EDEM3: variants seen among roughly 807,000 people sequenced by gnomAD.
EDEM3 encodes ER degradation enhancing alpha-mannosidase like protein 3, also known as ER degradation-enhancing alpha-mannosidase-like protein 3.
In EDEM3, 60 loss-of-function variants were observed where a neutral mutation model predicts 110.2. The ratio of observed to expected loss-of-function variants is 0.54; its 90% CI spans 0.44 to 0.67. The LOEUF is 0.67. EDEM3 is among the 30% of genes least tolerant of loss of function. The probability of loss-of-function intolerance (pLI) is 0.00; values close to 1 mark genes in which losing one functional copy is unlikely to be tolerated. For synonymous variants in EDEM3, 352 were observed against 382.9 expected, an observed-to-expected ratio of 0.92 and a Z score of 0.94; for missense variants, 996 against 1,121.0, an observed-to-expected ratio of 0.89 and a Z score of 1.59.
chr1:184,732,131 G>A (rs1023998029), intron 6 of EDEM3, among the ~76,000 whole-genome samples: 4 of 151,956 alleles, frequency 2.6e-5, no homozygotes, highest in South Asian at 2.1e-4. Context: ...AGCCGAGATC[G>A]CGCCACTGCA....
Position 184,700,337 on chromosome 1 carries a change from C to T in EDEM3, c.2389+2474G>A, listed in dbSNP as rs12060763. On this transcript the variant is annotated intron_variant, in intron 19 of 19. Transcript: ENST00000318130. ...TTGTGTGACTTCATATGGAAAAATA[C>T]GTATTTGTGGAATGACATTTCTAGA... Among the ~76,000 whole-genome samples the T allele has an allele frequency of 4.6e-3, 706 of 151,906 alleles. 5 individuals are homozygous for T. Among genetic ancestry groups the T allele is most frequent in the East Asian group, 0.036 (185 of 5,184 alleles).
intron 6 of EDEM3, among the ~76,000 whole-genome samples, chr1:184,727,939 A>C (rs528445159): frequency 2.0e-5 from 3 of 152,332 alleles, no homozygotes; most frequent in African/African-American, 7.2e-5. Context: ...AATTAACCTA[A>C]AATGAAGCAA....
intron 18 of EDEM3, among the ~76,000 whole-genome samples, chr1:184,704,586 G>A (rs1407052777): frequency 1.5e-5 from 2 of 131,318 alleles, no homozygotes; most frequent in African/African-American, 2.9e-5. Flanking sequence ...AGAGGTGGAG[G>A]TTGTAGTGAG....
At chr1:184,749,219 G>T (rs1418082896) in intron 2 of EDEM3, among the ~76,000 whole-genome samples, 8 of 152,202 alleles carry the variant, frequency 5.3e-5, no homozygotes, top group Non-Finnish European at 8.8e-5. Context: ...TAAATTAAGA[G>T]AATAATCTCC....
intron 8 of EDEM3, among the ~76,000 whole-genome samples, chr1:184,722,425 C>T (rs990063830): frequency 6.6e-6 from 1 of 151,866 alleles, no homozygotes; most frequent in Non-Finnish European, 1.5e-5. Context: ...CAAGATGAGA[C>T]CAGACAGTTA....
chr1:184,697,128 A>G (rs1001673213), intron 19 of EDEM3, among the ~76,000 whole-genome samples: 1 of 151,868 alleles, frequency 6.6e-6, no homozygotes, highest in Non-Finnish European at 1.5e-5. Flanking sequence ...ATAATCATTA[A>G]ACCTTTTCAT....
At position 184,749,592 on chromosome 1, in the gene EDEM3, C is replaced by T. The variant is rs1316435385; in HGVS notation, c.159G>A (p.Gly53=). Residue 53 remains glycine (G), a splice_region_variant and synonymous_variant, in exon 2 of 20, where the codon GGG becomes GGA. Transcript: ENST00000318130. ...GATCAAACATTTCCAGTACTTGATT[C>T]CTAATTTTAAAAGAGCAGAAATGGA... ...PMSREEKQKL[G]NQVLEMFDHA... The T allele has an allele frequency of 2.0e-6, 3 of 1,533,602 alleles. No individual in the cohort carries two copies. The African/African-American group carries it at 4.3e-5, about 22-fold the overall frequency. 95.0% of individuals were successfully genotyped at this position (1,533,602 alleles called of 1,614,324 possible).
intron 2 of EDEM3, among the ~76,000 whole-genome samples, chr1:184,742,392 T>C (rs1652194123): frequency 6.6e-6 from 1 of 152,112 alleles, no homozygotes; most frequent in African/African-American, 2.4e-5. Flanking sequence ...TCAGCATAAA[T>C]TCCTAATTAC....
At chr1:184,722,001 T>C (rs1400609386) in intron 8 of EDEM3, among the ~76,000 whole-genome samples, 1 of 152,006 alleles carries the variant, frequency 6.6e-6, no homozygotes, top group Admixed American at 6.6e-5. Flanking sequence ...GCACAAAATA[T>C]CAAAAATACA....
intron 14 of EDEM3, 150 bp from the exon 15 acceptor site, chr1:184,712,027 TG>T: frequency 1.7e-6 from 1 of 594,124 alleles, no homozygotes; most frequent in South Asian, 2.6e-5. Context: ...CCTGGGTTCA[TG>T]CCATTCTCCT....
intron 1 of EDEM3, among the ~76,000 whole-genome samples, 160 bp downstream of exon 1, chr1:184,754,329 C>T (rs1260366491): frequency 6.6e-6 from 1 of 152,226 alleles, no homozygotes; most frequent in African/African-American, 2.4e-5. Context: ...CGGCGGTTCC[C>T]ACCTCCCCGG....
rs779217680 is a variant in EDEM3 at position 184,732,847 on chromosome 1, G to T, written c.602C>A (p.Pro201His). ...LPAFNTTSGL[P>H]YPRINLKFGI... is the part of the protein sequence containing the mutation. ...TTCAGAAGTACTTACTCTTGGATAA[G>T]GAAGGCCACTGGTAGTGTTGAAAGC... Residue 201 changes from proline to histidine, a missense_variant, in exon 6 of 20, where the codon CCT becomes CAT. Pro to His is a moderately conservative substitution (Grantham distance 77). Around this residue, in one of 5 missense-constraint regions of EDEM3, gnomAD observed 310 missense variants for 394.6 expected, o/e 0.79. Coordinates refer to ENST00000318130, the MANE Select transcript of EDEM3 (RefSeq NM_025191.4). 6 of 1,612,878 alleles carry T rather than the reference G, an allele frequency of 3.7e-6. No homozygotes were observed. The highest frequency in any genetic ancestry group is 5.1e-6 in the Non-Finnish European group (6 of 1,179,374).
intron 19 of EDEM3, 40 bp downstream of exon 19, chr1:184,702,771 A>G (rs1440583173): frequency 7.0e-7 from 1 of 1,421,940 alleles, no homozygotes; most frequent in Non-Finnish European, 9.3e-7. Flanking sequence ...CAAAATTAAT[A>G]TTACGCTGCA....
chr1:184,731,987 T>C (rs1571399206), intron 6 of EDEM3, among the ~76,000 whole-genome samples: 1 of 152,104 alleles, frequency 6.6e-6, no homozygotes, highest in East Asian at 1.9e-4. Flanking sequence ...CCATCCTGGC[T>C]AACACTGTGA....
intron 18 of EDEM3, among the ~76,000 whole-genome samples, chr1:184,705,294 T>G (rs1011770666): frequency 6.6e-6 from 1 of 152,210 alleles, no homozygotes; most frequent in African/African-American, 2.4e-5. Context: ...GCAATAAAAC[T>G]AATCTAAGTG....
chr1:184,726,427 A>G, intron 6 of EDEM3, 38 bp from the exon 7 acceptor site: 2 of 1,590,728 alleles, frequency 1.3e-6, no homozygotes, highest in Non-Finnish European at 1.7e-6. Context: ...GCAGTTATCA[A>G]GACAATGACC....
At chr1:184,732,725 A>AT (rs542582663) in intron 6 of EDEM3, 112 bp downstream of exon 6, 2,197 of 1,054,954 alleles carry the variant, frequency 2.1e-3, no homozygotes, top group East Asian at 6.0e-3. Flanking sequence ...GCTTTGAAGC[A>AT]TTTTTTTTTC....
intron 2 of EDEM3, among the ~76,000 whole-genome samples, chr1:184,746,511 A>T (rs1652439555): frequency 6.6e-6 from 1 of 152,238 alleles, no homozygotes; most frequent in East Asian, 1.9e-4. Flanking sequence ...GCCAGATATT[A>T]GTTCTAAGCA....
intron 18 of EDEM3, among the ~76,000 whole-genome samples, chr1:184,704,233 C>T (rs1223272748): frequency 2.0e-5 from 3 of 152,072 alleles, no homozygotes; most frequent in Non-Finnish European, 4.4e-5. Context: ...GTATTTCTAA[C>T]CCTTGCAACA....
Sources: gnomAD v4.1 joint callset for allele counts (sites outside exome capture counted in the v4.1 genomes callset) on GRCh38, gnomAD v4.1.1 for gene constraint, gnomAD v4.1.1 regional missense constraint, MANE v1.5 for transcripts, NCBI Gene and HGNC (gene_info 2026-07-23, HGNC 2026-07-21) for gene names.